Variants in TMPRSS15 observed in about 807,000 individuals in gnomAD.
The protein encoded by TMPRSS15 is enteropeptidase.
Under a neutral mutation model 125.3 loss-of-function variants are expected in TMPRSS15, and 128 were observed. The ratio of observed to expected loss-of-function variants is 1.02; its 90% CI spans 0.89 to 1.18. The LOEUF is 1.18. Among genes scored for constraint, TMPRSS15 ranks in the 50% most tolerant of loss-of-function variants. The probability of loss-of-function intolerance (pLI) is 0.00; values close to 1 mark genes in which losing one functional copy is unlikely to be tolerated. For missense variants in TMPRSS15, 1,283 were observed against 1,212.7 expected, an observed-to-expected ratio of 1.06 and a Z score of -0.86; for synonymous variants, 446 against 423.2, an observed-to-expected ratio of 1.05 and a Z score of -0.66.
chr21:18,397,422 A>G (rs1020098067), intron 3 of TMPRSS15, among the ~76,000 whole-genome samples: 4 of 152,196 alleles, frequency 2.6e-5, no homozygotes, highest in African/African-American at 9.6e-5. Flanking sequence ...ACATCATTAC[A>G]TTATTAATCT....
intron 1 of TMPRSS15, among the ~76,000 whole-genome samples, chr21:18,420,952 A>C (rs552507096): frequency 6.6e-6 from 1 of 152,202 alleles, no homozygotes; most frequent in Admixed American, 6.5e-5. Context: ...GAAATGTTGA[A>C]TCACTCTAGA....
At chr21:18,343,929 C>T (rs201343676) in intron 11 of TMPRSS15, 26 bp downstream of exon 11, 10 of 1,589,014 alleles carry the variant, frequency 6.3e-6, no homozygotes, top group East Asian at 2.2e-5. Flanking sequence ...AAAAAGACAG[C>T]GTTTAAACAG....
intron 1 of TMPRSS15, among the ~76,000 whole-genome samples, chr21:18,449,890 C>G (rs2076263925): frequency 6.6e-6 from 1 of 151,722 alleles, no homozygotes; most frequent in East Asian, 1.9e-4. Context: ...CACACACACA[C>G]ACACACACAC....
chr21:18,366,040 G>A (rs1002323430), intron 6 of TMPRSS15, among the ~76,000 whole-genome samples: 1 of 151,972 alleles, frequency 6.6e-6, no homozygotes, highest in Non-Finnish European at 1.5e-5. Flanking sequence ...ATGCCCAAAA[G>A]CATTGTCTTT....
chr21:18,329,381 T>TA lies in TMPRSS15; in HGVS notation c.1655-88dup, dbSNP rs200857609. On this transcript the variant is annotated intron_variant, in intron 14 of 24. Coordinates refer to ENST00000284885, the MANE Select transcript of TMPRSS15 (RefSeq NM_002772.3). ...ACTCTCTTGAGAATTTCAAATAACT[T>TA]AAAAAAAAATCAATTTTTTTTCCAC... 497 of 1,351,300 alleles carry TA rather than the reference T, an allele frequency of 3.7e-4. 1 individual carries two copies. Among genetic ancestry groups the TA allele is most frequent in the African/African-American group, 1.9e-3 (129 of 67,644 alleles). The allele number at this position is 1,351,300 out of a possible 1,614,324, so 83.7% of individuals were successfully genotyped here. A position where few individuals can be genotyped will look rare whatever the true frequency, so the allele number is the denominator to read the frequency against.
At chr21:18,283,889 C>T (rs2074732681) in intron 21 of TMPRSS15, among the ~76,000 whole-genome samples, 1 of 152,072 alleles carries the variant, frequency 6.6e-6, no homozygotes, top group African/African-American at 2.4e-5. Flanking sequence ...TTGTAGGTAA[C>T]ATAGTTTAGT....
intron 18 of TMPRSS15, among the ~76,000 whole-genome samples, chr21:18,305,183 C>CTTTTTTTTTTTTTTTTTTTTTTT (rs59103494): frequency 2.3e-5 from 2 of 86,054 alleles, no homozygotes; most frequent in African/African-American, 4.4e-5. Context: ...AATTTCCGTA[C>CTTTTTTTTTTTTTTTTTTTTTTT]TTTTTTTTTT....
At chr21:18,416,318 A>G (rs1274772892) in intron 1 of TMPRSS15, among the ~76,000 whole-genome samples, 1 of 152,044 alleles carries the variant, frequency 6.6e-6, no homozygotes, top group East Asian at 1.9e-4. Flanking sequence ...TGGAACCACA[A>G]AAGACCCAGA....
At chr21:18,315,297 A>C in intron 16 of TMPRSS15, 41 bp from the exon 17 acceptor site, 3 of 1,514,542 alleles carry the variant, frequency 2.0e-6, no homozygotes, top group Non-Finnish European at 2.7e-6. Context: ...TAAAGAAAAC[A>C]CAAATGGATG....
At chr21:18,453,801 AAT>A (rs1215277468) in intron 1 of TMPRSS15, among the ~76,000 whole-genome samples, 1 of 152,212 alleles carries the variant, frequency 6.6e-6, no homozygotes, top group East Asian at 1.9e-4. Context: ...ATATGTGTAT[AAT>A]ATGAGTAAGA....
intron 16 of TMPRSS15, among the ~76,000 whole-genome samples, chr21:18,319,342 A>G (rs1449555609): frequency 2.0e-5 from 3 of 152,062 alleles, no homozygotes; most frequent in African/African-American, 2.4e-5. Context: ...TTATCATACC[A>G]ATACATATAC....
At chr21:18,454,370 A>G (rs1202004712) in intron 1 of TMPRSS15, among the ~76,000 whole-genome samples, 1 of 152,090 alleles carries the variant, frequency 6.6e-6, no homozygotes, top group Non-Finnish European at 1.5e-5. Context: ...CCATTTTAAT[A>G]TGTGTATTAG....
intron 5 of TMPRSS15, among the ~76,000 whole-genome samples, chr21:18,378,350 T>C (rs2075863036): frequency 6.6e-6 from 1 of 152,090 alleles, no homozygotes; most frequent in African/African-American, 2.4e-5. Flanking sequence ...TGTGGTGCTG[T>C]TTGGATATAA....
intron 3 of TMPRSS15, among the ~76,000 whole-genome samples, chr21:18,389,650 G>A (rs952533863): frequency 9.2e-5 from 14 of 152,110 alleles, no homozygotes; most frequent in African/African-American, 3.1e-4. Flanking sequence ...ATCAGGTTTT[G>A]TTCCAACAGG....
chr21:18,415,953 T>C lies in TMPRSS15; in HGVS notation c.11-17624A>G, dbSNP rs12373916. ...AACTAATAAACAAATTGAGTAAATA[T>C]GCAGGATACAAAATCAACGTACAAA... On this transcript the variant is annotated intron_variant, in intron 1 of 7. Coordinates refer to the TMPRSS15 transcript ENST00000422787. Among the ~76,000 whole-genome samples, 207 of 152,138 alleles carry C rather than the reference T, an allele frequency of 1.4e-3. 1 individual carries two copies. Among genetic ancestry groups the C allele is most frequent in the Middle Eastern group, 3.4e-3 (1 of 294 alleles).
At chr21:18,474,996 T>C (rs1978850687) in intron 1 of TMPRSS15, among the ~76,000 whole-genome samples, 1 of 152,182 alleles carries the variant, frequency 6.6e-6, no homozygotes, top group Admixed American at 6.6e-5. Context: ...TCTAGGAAGA[T>C]GTGAGACCAT....
chr21:18,337,672 G>A (rs944836947), intron 13 of TMPRSS15, among the ~76,000 whole-genome samples: 2 of 152,156 alleles, frequency 1.3e-5, no homozygotes, highest in Admixed American at 1.3e-4. Context: ...GAAAGAGGGA[G>A]GAAACTGAGC....
chr21:18,332,099 G>T lies in TMPRSS15; in HGVS notation c.1639C>A (p.Pro547Thr), dbSNP rs372420249. 1.2e-5 allele frequency: 20 copies of T among 1,613,986 alleles called. No individual in the cohort carries two copies. The African/African-American group carries it at 2.1e-4, about 17-fold the overall frequency. Residue 547 changes from proline (P) to threonine (T), a missense_variant, in exon 14 of 25, where the codon CCT becomes ACT. By Grantham distance (38) the Pro-to-Thr change is conservative. Coordinates refer to ENST00000284885, the MANE Select transcript of TMPRSS15 (RefSeq NM_002772.3). ...AATGACTCACAGAAAGCCAGATTAG[G>T]GTAGCTGTTTGGAAAGTTCGTAGAA... is the stretch of plus-strand genomic sequence containing the variant. ...FSSTNFPNSY[P>T]NLAFCVWILN...
intron 1 of TMPRSS15, among the ~76,000 whole-genome samples, chr21:18,430,128 A>G (rs553792529): frequency 2.0e-5 from 3 of 152,318 alleles, no homozygotes; most frequent in East Asian, 3.9e-4. Flanking sequence ...CTCTTAGTAA[A>G]TATCTGAAAA....
Sources: gnomAD v4.1 joint callset for allele counts (sites outside exome capture counted in the v4.1 genomes callset) on GRCh38, gnomAD v4.1.1 for gene constraint, MANE v1.5 for transcripts, NCBI Gene and HGNC (gene_info 2026-07-23, HGNC 2026-07-21) for gene names.